STK32C: variants seen among roughly 807,000 people sequenced by gnomAD.
STK32C encodes serine/threonine kinase 32C, also known as serine/threonine-protein kinase 32C.
STK32C carries 31 observed loss-of-function variants against 56.5 expected under a neutral mutation model. That is an observed-to-expected ratio of 0.55 (90% CI 0.41 to 0.74). The LOEUF (loss-of-function observed/expected upper bound fraction) is 0.74. Among genes scored for constraint, STK32C ranks in the 30% least tolerant of loss-of-function variants. STK32C has a pLI of 0.00. For synonymous variants in STK32C, 309 were observed against 289.4 expected, an observed-to-expected ratio of 1.07 and a Z score of -0.69; for missense variants, 544 against 676.9, an observed-to-expected ratio of 0.80 and a Z score of 2.18.
chr10:132,320,370 C>T (rs1408431698), downstream of STK32C, among the ~76,000 whole-genome samples: 2 of 151,336 alleles, frequency 1.3e-5, no homozygotes, highest in Non-Finnish European at 2.9e-5. Flanking sequence ...ATCTGCACGG[C>T]GGTGACTGTG....
chr10:132,213,459 T>G (rs1296599624), intron 10 of STK32C, among the ~76,000 whole-genome samples: 1 of 152,204 alleles, frequency 6.6e-6, no homozygotes, highest in Non-Finnish European at 1.5e-5. Flanking sequence ...ACCCGGGAAA[T>G]GAAAACAAAT....
At chr10:132,224,168 C>T (rs1429202102) in intron 8 of STK32C, among the ~76,000 whole-genome samples, 5 of 152,128 alleles carry the variant, frequency 3.3e-5, no homozygotes, top group Non-Finnish European at 5.9e-5. Flanking sequence ...CAGGGGATCA[C>T]CAGGACACCA....
chr10:132,324,025 A>C, downstream of STK32C: 1 of 564,830 alleles, frequency 1.8e-6, no homozygotes, highest in South Asian at 2.3e-5. Flanking sequence ...GAGCAGCATT[A>C]ATCTCTTAAT....
chr10:132,236,369 C>T (rs1332754650), intron 2 of STK32C, among the ~76,000 whole-genome samples: 1 of 152,244 alleles, frequency 6.6e-6, no homozygotes, highest in Non-Finnish European at 1.5e-5. Context: ...AAGGGGGTGA[C>T]CCGATGGGGT....
At chr10:132,289,794 C>T (rs2065511728) in intron 1 of STK32C, among the ~76,000 whole-genome samples, 3 of 152,172 alleles carry the variant, frequency 2.0e-5, no homozygotes, top group Non-Finnish European at 4.4e-5. Flanking sequence ...ACCTAAGTAC[C>T]TCCCAAAGGC....
At chr10:132,311,957 A>G (rs2066231031), upstream of STK32C, among the ~76,000 whole-genome samples, 2 of 152,246 alleles carry the variant, frequency 1.3e-5, no homozygotes, top group South Asian at 4.1e-4. This position sits in a 1 kb window ranked among gnomAD's most constrained non-coding sequence, Gnocchi z 4.4. Context: ...ACCACACCCT[A>G]CAGCCCCAAA....
At chr10:132,229,968 C>T (rs762289579) in intron 2 of STK32C, among the ~76,000 whole-genome samples, 17 of 152,200 alleles carry the variant, frequency 1.1e-4, no homozygotes, top group Non-Finnish European at 2.4e-4. Flanking sequence ...CCTCCCTGCC[C>T]GGTGGGAGGG....
At chr10:132,304,291 T>TA (rs146259887) in intron 1 of STK32C, among the ~76,000 whole-genome samples, 3,652 of 150,724 alleles carry the variant, frequency 0.024, 154 homozygotes, top group African/African-American at 0.083. Context: ...AAGAGGGGCT[T>TA]AAAAAAAAAG....
chr10:132,329,415 AAAAATAAAT>A (rs2066587813), intron 1 of STK32C, among the ~76,000 whole-genome samples: 1 of 152,250 alleles, frequency 6.6e-6, no homozygotes, highest in Non-Finnish European at 1.5e-5. Context: ...CCCTGTCTCA[AAAAATAAAT>A]AAAATAAATA....
intron 3 of STK32C, among the ~76,000 whole-genome samples, chr10:132,227,463 A>C (rs914770565): frequency 6.6e-6 from 1 of 151,932 alleles, no homozygotes; most frequent in African/African-American, 2.4e-5. Flanking sequence ...GACGGTAGTG[A>C]GGACTGAGGG....
chr10:132,223,484 C>A (rs1466127521), intron 8 of STK32C, among the ~76,000 whole-genome samples: 1 of 152,260 alleles, frequency 6.6e-6, no homozygotes, highest in Admixed American at 6.5e-5. Context: ...AGACCCAGAC[C>A]CCGTGCGAGG....
At chr10:132,290,021 T>G (rs2065517531) in intron 1 of STK32C, among the ~76,000 whole-genome samples, 1 of 152,210 alleles carries the variant, frequency 6.6e-6, no homozygotes, top group African/African-American at 2.4e-5. Flanking sequence ...ATAATTTTCT[T>G]GAAAACCGTA....
chr10:132,226,722 C>CG, intron 4 of STK32C, 73 bp downstream of exon 4: 1 of 1,555,322 alleles, frequency 6.4e-7, no homozygotes, highest in Non-Finnish European at 8.7e-7. Flanking sequence ...GCCGCCGTGC[C>CG]GGCAGCCTGA....
intron 1 of STK32C, among the ~76,000 whole-genome samples, chr10:132,258,737 C>T (rs1423052758): frequency 6.6e-6 from 1 of 152,222 alleles, no homozygotes; most frequent in African/African-American, 2.4e-5. Flanking sequence ...TGGACTCACA[C>T]GTATTCCCAC....
chr10:132,265,174 TGGCTCTGGGGGAGCCG>T (rs2064467460), intron 1 of STK32C, among the ~76,000 whole-genome samples: 2 of 109,146 alleles, frequency 1.8e-5, no homozygotes, highest in African/African-American at 8.7e-5. Context: ...GGCGGCGAGG[TGGCTCTGGGGGAGCCG>T]CAAGGGCAGT....
At chr10:132,315,147 A>G (rs2066289557) in intron 1 of STK32C, among the ~76,000 whole-genome samples, 1 of 152,238 alleles carries the variant, frequency 6.6e-6, no homozygotes, top group South Asian at 2.1e-4. Context: ...AAAAAAAAGA[A>G]TAAGTTCATG....
intron 1 of STK32C, among the ~76,000 whole-genome samples, chr10:132,306,432 C>T (rs1590468114): frequency 6.6e-6 from 1 of 152,268 alleles, no homozygotes. Context: ...CACCCTGGAG[C>T]GTGTGGGGCC....
At chr10:132,277,660 T>A (rs2065031244) in intron 1 of STK32C, among the ~76,000 whole-genome samples, 3 of 152,182 alleles carry the variant, frequency 2.0e-5, no homozygotes, top group African/African-American at 7.2e-5. Flanking sequence ...GCAGGCAACA[T>A]CCCAGGCCTG....
intron 1 of STK32C, among the ~76,000 whole-genome samples, chr10:132,253,477 GTC>G: frequency 7.5e-6 from 1 of 133,970 alleles, no homozygotes; most frequent in Non-Finnish European, 1.6e-5. Flanking sequence ...GCTGGAGGGA[GTC>G]GAGGGAGCTG....
Sources: gnomAD v4.1 joint callset for allele counts (sites outside exome capture counted in the v4.1 genomes callset) on GRCh38, gnomAD v4.1.1 for gene constraint, Gnocchi (gnomAD v3.1) non-coding constraint, MANE v1.5 for transcripts, NCBI Gene and HGNC (gene_info 2026-07-23, HGNC 2026-07-21) for gene names.